Variants in SP140 observed in about 807,000 individuals in gnomAD.
SP140 encodes the protein nuclear body protein SP140.
In SP140, 81 loss-of-function variants were observed where a neutral mutation model predicts 125.0. The observed-to-expected ratio is 0.65, with a 90% confidence interval of 0.54 to 0.78. The LOEUF is 0.78. Among genes scored for constraint, SP140 ranks in the 30% least tolerant of loss-of-function variants. SP140 has a pLI of 0.00. For synonymous variants in SP140, 312 were observed against 354.0 expected (o/e 0.88, Z 1.33); for missense variants, 858 against 1,037.0 (o/e 0.83, Z 2.37).
At chr2:230,244,960 C>G (rs557364696) in intron 5 of SP140, 28 bp from the exon 6 acceptor site, 7 of 1,534,138 alleles carry the variant, frequency 4.6e-6, no homozygotes, top group East Asian at 2.3e-5. Context: ...GGTCTGTGCT[C>G]TCATCACTGT....
At chr2:230,222,846 T>G (rs939586292), upstream of SP140, among the ~76,000 whole-genome samples, 5 of 151,424 alleles carry the variant, frequency 3.3e-5, no homozygotes, top group Non-Finnish European at 5.9e-5. Flanking sequence ...TAAAGTTTTT[T>G]TTTTTTTTTT....
intron 1 of SP140, chr2:230,212,783 G>C (rs41309090): frequency 6.2e-7 from 1 of 1,614,160 alleles, no homozygotes; most frequent in Non-Finnish European, 8.5e-7. Context: ...TTCCTTCCTG[G>C]ATGAGTGCAG....
intron 12 of SP140, among the ~76,000 whole-genome samples, chr2:230,266,689 C>T (rs1485128560): frequency 2.6e-5 from 4 of 152,302 alleles, no homozygotes; most frequent in South Asian, 4.1e-4. Flanking sequence ...TCCAGTTCCT[C>T]GTGGTTGTTG....
the SP140 span, among the ~76,000 whole-genome samples, chr2:230,186,562 T>C: frequency 6.6e-6 from 1 of 152,244 alleles, no homozygotes; most frequent in Non-Finnish European, 1.5e-5. Flanking sequence ...GTTACATGGA[T>C]GAATTATATA....
chr2:230,223,644 A>T (rs1365274829), upstream of SP140, among the ~76,000 whole-genome samples: 1 of 152,218 alleles, frequency 6.6e-6, no homozygotes, highest in Non-Finnish European at 1.5e-5. Context: ...TGGTTATCTG[A>T]CATAATTGGA....
At chr2:230,289,783 TTG>T (rs1348098138) in intron 18 of SP140, among the ~76,000 whole-genome samples, 1 of 152,096 alleles carries the variant, frequency 6.6e-6, no homozygotes, top group Non-Finnish European at 1.5e-5. Context: ...CCCTACACCT[TTG>T]GTTGGAAGGG....
In SP140 at chr2:230,267,526, G is replaced by C. The variant is rs78239129; in HGVS notation, c.1241-2006G>C. ...TTTCTCTTCTTTTATAGACCTACTT[G>C]TCAAATGTGTTACTTACTTTGGACA... On this transcript the variant is annotated intron_variant, in intron 12 of 26. Coordinates refer to ENST00000392045, the MANE Select transcript of SP140 (RefSeq NM_007237.5). 8.3e-4 allele frequency among the ~76,000 whole-genome samples: 126 copies of C among 152,244 alleles called. No individual in the cohort carries two copies. In the East Asian group the frequency reaches 0.022, roughly 26 times the overall value.
chr2:230,288,022 G>A (rs189172034), intron 18 of SP140, 56 bp downstream of exon 18: 31 of 1,419,386 alleles, frequency 2.2e-5, no homozygotes, highest in African/African-American at 7.2e-5. Flanking sequence ...TTTCCTGTGC[G>A]GTACACTGTA....
At chr2:230,206,852 C>G (rs533441986) in intron 1 of SP140, among the ~76,000 whole-genome samples, 1 of 152,078 alleles carries the variant, frequency 6.6e-6, no homozygotes, top group Non-Finnish European at 1.5e-5. Context: ...GTTAATTACT[C>G]TGATCTAGAG....
Position 230,225,757 on chromosome 2 carries a change from C to T in SP140, c.-88C>T. On this transcript the variant is annotated 5_prime_UTR_variant, in exon 1 of 27. Coordinates refer to ENST00000392045, the MANE Select transcript of SP140 (RefSeq NM_007237.5). ...TTTTCTTTTCCTCTTTGACTGAGCACCGAGGGGCAGTTGGCAGCTTCACCT... is the reference window on the plus strand; with the variant it reads ...TTTTCTTTTCCTCTTTGACTGAGCATCGAGGGGCAGTTGGCAGCTTCACCT... The T allele has an allele frequency of 9.0e-7, 1 of 1,108,804 alleles. No individual in the cohort carries two copies. Among genetic ancestry groups the T allele is most frequent in the Non-Finnish European group, 1.4e-6 (1 of 719,446 alleles). 68.7% of individuals were successfully genotyped at this position (1,108,804 alleles called of 1,614,324 possible).
chr2:230,198,915 C>T (rs553424703), upstream of SP140, among the ~76,000 whole-genome samples: 1 of 152,162 alleles, frequency 6.6e-6, no homozygotes, highest in South Asian at 2.1e-4. Flanking sequence ...ATTTAGAGTC[C>T]TTCAGTGGAG....
At position 230,312,747 on chromosome 2, in the gene SP140, C is replaced by A; in HGVS notation, c.*63C>A. On this transcript the variant is annotated 3_prime_UTR_variant, in exon 27 of 27. Transcript: ENST00000392045. Reference sequence around the variant, plus strand: ...ACCCTAAAATATGCCGCTGGTTTGCCACTGACTTCAAAATGAGGTCACTTG... The same window carrying A: ...ACCCTAAAATATGCCGCTGGTTTGCAACTGACTTCAAAATGAGGTCACTTG... 8.0e-7 allele frequency: 1 copy of A among 1,256,472 alleles called. No homozygotes were observed. Among genetic ancestry groups the A allele is most frequent in the South Asian group, 1.2e-5 (1 of 82,976 alleles). The allele number at this position is 1,256,472 out of a possible 1,614,324, so 77.8% of individuals were successfully genotyped here.
chr2:230,301,653 A>G (rs2058292169), intron 22 of SP140, among the ~76,000 whole-genome samples: 1 of 152,314 alleles, frequency 6.6e-6, no homozygotes, highest in Non-Finnish European at 1.5e-5. Flanking sequence ...TCTTAAAACA[A>G]TATATCAAAA....
chr2:230,196,823 G>A, the SP140 span, among the ~76,000 whole-genome samples: 10 of 152,094 alleles, frequency 6.6e-5, no homozygotes, highest in African/African-American at 2.4e-4. Context: ...ATAGTTTGCA[G>A]AGAATGATGG....
chr2:230,304,368 A>G (rs185811951), intron 22 of SP140, among the ~76,000 whole-genome samples: 320 of 152,334 alleles, frequency 2.1e-3, no homozygotes, highest in African/African-American at 7.4e-3. Flanking sequence ...CCATCAAAAT[A>G]CCATGATCAT....
intron 24 of SP140, 65 bp from the exon 25 acceptor site, chr2:230,311,089 T>A: frequency 6.2e-7 from 1 of 1,610,586 alleles, no homozygotes; most frequent in South Asian, 1.1e-5. Context: ...TTCTGTGCTG[T>A]GTCTCATGCA....
intron 17 of SP140, among the ~76,000 whole-genome samples, chr2:230,286,599 G>A (rs2056412396): frequency 1.3e-5 from 2 of 152,332 alleles, no homozygotes; most frequent in South Asian, 4.1e-4. Context: ...CAAGGGAAGG[G>A]GAGGGGTCAG....
chr2:230,316,415 A>G (rs1224592192), downstream of SP140, among the ~76,000 whole-genome samples: 2 of 152,174 alleles, frequency 1.3e-5, no homozygotes, highest in Non-Finnish European at 1.5e-5. Context: ...ATTCTGATGA[A>G]TGTGATTCTA....
chr2:230,308,983 T>G (rs750990199), intron 22 of SP140, among the ~76,000 whole-genome samples: 3 of 152,208 alleles, frequency 2.0e-5, no homozygotes, highest in Non-Finnish European at 4.4e-5. Flanking sequence ...TATGTATTGG[T>G]CTCTATATTT....
Sources: gnomAD v4.1 joint callset for allele counts (sites outside exome capture counted in the v4.1 genomes callset) on GRCh38, gnomAD v4.1.1 for gene constraint, MANE v1.5 for transcripts, NCBI Gene and HGNC (gene_info 2026-07-23, HGNC 2026-07-21) for gene names.